TENM2: variants seen among roughly 807,000 people sequenced by gnomAD.
The protein encoded by TENM2 is teneurin transmembrane protein 2, also known as teneurin-2.
TENM2 carries 52 observed loss-of-function variants against 245.2 expected under a neutral mutation model. The ratio of observed to expected loss-of-function variants is 0.21; its 90% CI spans 0.17 to 0.27. The LOEUF (loss-of-function observed/expected upper bound fraction) is 0.27. TENM2 is among the 10% of genes least tolerant of loss of function. The probability of loss-of-function intolerance (pLI) is 1.00; values close to 1 mark genes in which losing one functional copy is unlikely to be tolerated. For missense variants in TENM2, 3,046 were observed against 3,666.8 expected (o/e 0.83, Z 4.37); for synonymous variants, 1,363 against 1,438.9 (o/e 0.95, Z 1.19).
intron 2 of TENM2, among the ~76,000 whole-genome samples, chr5:167,471,267 AG>A (rs1767011536): frequency 1.3e-5 from 2 of 152,266 alleles, no homozygotes; most frequent in South Asian, 4.1e-4. Context: ...TAGATCTACA[AG>A]TACAATCATT....
chr5:167,524,979 T>C lies in TENM2; in HGVS notation c.502+149506T>C, dbSNP rs201290795. On this transcript the variant is annotated intron_variant, in intron 2 of 28. Transcript: ENST00000518659. ...CACGGTTACTCTTGCAAGCTTCTTA[T>C]GGGAAACACAATATTTTGGTATTTC... 3.2e-3 allele frequency among the ~76,000 whole-genome samples: 493 copies of C among 152,154 alleles called. 25 individuals are homozygous for C. The South Asian group carries it at 0.083, about 25-fold the overall frequency.
intron 4 of TENM2, among the ~76,000 whole-genome samples, chr5:167,966,055 A>T (rs1318658960): frequency 2.0e-5 from 3 of 152,170 alleles, no homozygotes; most frequent in Non-Finnish European, 2.9e-5. Context: ...CTGGACATAG[A>T]CTTAGTCATT....
chr5:167,199,513 C>G, the TENM2 span, among the ~76,000 whole-genome samples: 1 of 152,030 alleles, frequency 6.6e-6, no homozygotes, highest in African/African-American at 2.4e-5. Context: ...TTCACCAAAC[C>G]TGCCTTCCAT....
At chr5:167,852,520 A>G (rs1320242634) in intron 2 of TENM2, among the ~76,000 whole-genome samples, 1 of 152,236 alleles carries the variant, frequency 6.6e-6, no homozygotes, top group Non-Finnish European at 1.5e-5. Context: ...TCCCTATTTA[A>G]CTAAAGAAGA....
intron 9 of TENM2, among the ~76,000 whole-genome samples, chr5:168,113,289 C>G (rs1794826164): frequency 6.6e-6 from 1 of 152,004 alleles, no homozygotes; most frequent in Admixed American, 6.6e-5. Flanking sequence ...CACTGCACTC[C>G]AGCCTGGGTG....
chr5:168,199,999 C>T (rs761630095), exon 17 of TENM2: 6 of 1,613,984 alleles, frequency 3.7e-6, no homozygotes, highest in South Asian at 3.3e-5. Context: ...CATTAGGGTT[C>T]ACCTGATGGT....
intron 4 of TENM2, among the ~76,000 whole-genome samples, chr5:167,964,996 A>G (rs766348191): frequency 6.6e-6 from 1 of 152,170 alleles, no homozygotes; most frequent in African/African-American, 2.4e-5. Flanking sequence ...GTTAGAGTGG[A>G]AAGTATGCAA....
intron 25 of TENM2, among the ~76,000 whole-genome samples, chr5:168,242,106 G>A (rs1766153629): frequency 6.6e-6 from 1 of 152,144 alleles, no homozygotes; most frequent in Admixed American, 6.5e-5. Context: ...AGGAGGAAAG[G>A]GAAGAATTAA....
chr5:167,550,320 G>A (rs1042462022), intron 2 of TENM2, among the ~76,000 whole-genome samples: 1 of 152,134 alleles, frequency 6.6e-6, no homozygotes, highest in Admixed American at 6.5e-5. Flanking sequence ...ATGTTATTAT[G>A]GTGCTGGATT....
chr5:167,596,078 A>T (rs1776186462), intron 2 of TENM2, among the ~76,000 whole-genome samples: 1 of 152,150 alleles, frequency 6.6e-6, no homozygotes, highest in Non-Finnish European at 1.5e-5. Context: ...TATTTTGTTC[A>T]GCATGCCCCA....
chr5:167,350,835 ATATACATATGGATATATATATGGGATG>A (rs1561883842), intron 1 of TENM2, among the ~76,000 whole-genome samples: 12 of 123,568 alleles, frequency 9.7e-5, no homozygotes, highest in African/African-American at 1.8e-4. Context: ...TATATGGGAT[ATATACATATGGATATATATATGGGATG>A]TATACATATG....
At chr5:167,525,211 G>A (rs1031192799) in intron 2 of TENM2, among the ~76,000 whole-genome samples, 6 of 152,062 alleles carry the variant, frequency 3.9e-5, no homozygotes, top group Non-Finnish European at 5.9e-5. Flanking sequence ...TGTGTAAGCC[G>A]ATTGCTTAGA....
the TENM2 span, among the ~76,000 whole-genome samples, chr5:167,247,770 TA>T: frequency 6.6e-6 from 1 of 152,158 alleles, no homozygotes; most frequent in South Asian, 2.1e-4. Context: ...GCTTTTTTAA[TA>T]TGAAATTTAA....
exon 16 of TENM2, chr5:168,198,893 C>T (rs1419269043): frequency 6.2e-7 from 1 of 1,614,034 alleles, no homozygotes; most frequent in East Asian, 2.2e-5. Flanking sequence ...CTTGACTCTA[C>T]ACTTTGAGCG....
chr5:167,638,088 C>G (rs1779321949), intron 2 of TENM2, among the ~76,000 whole-genome samples: 1 of 130,678 alleles, frequency 7.7e-6, no homozygotes, highest in African/African-American at 3.0e-5. Context: ...CAGAACAGGG[C>G]AGGTGTGTGT....
intron 2 of TENM2, among the ~76,000 whole-genome samples, chr5:167,492,595 T>C (rs1176028041): frequency 1.1e-4 from 16 of 152,168 alleles, no homozygotes; most frequent in Non-Finnish European, 1.5e-4. Context: ...CATGGCTATT[T>C]ATAAAATTTA....
chr5:167,859,991 C>T (rs1234895995), intron 2 of TENM2, among the ~76,000 whole-genome samples: 5 of 78,690 alleles, frequency 6.4e-5, no homozygotes, highest in East Asian at 5.0e-4. Flanking sequence ...CCAGCCGCCC[C>T]GTCCGGGAGG....
chr5:167,978,235 G>C (rs1333369618), intron 4 of TENM2, among the ~76,000 whole-genome samples: 3 of 152,150 alleles, frequency 2.0e-5, no homozygotes, highest in Non-Finnish European at 4.4e-5. Context: ...GTGTACTGAG[G>C]CACCTCTATG....
intron 13 of TENM2, among the ~76,000 whole-genome samples, chr5:168,171,837 TG>T (rs751190252): frequency 3.9e-5 from 6 of 152,244 alleles, no homozygotes; most frequent in Non-Finnish European, 7.3e-5. Context: ...CAGATTTCAC[TG>T]GTGGCAAGGA....
Sources: gnomAD v4.1 joint callset for allele counts (sites outside exome capture counted in the v4.1 genomes callset) on GRCh38, gnomAD v4.1.1 for gene constraint, MANE v1.5 for transcripts, NCBI Gene and HGNC (gene_info 2026-07-23, HGNC 2026-07-21) for gene names.